The following NRXN1 variants were observed in gnomAD, a reference collection of about 807,000 sequenced individuals.
NRXN1 encodes neurexin-1.
In NRXN1, 39 loss-of-function variants were observed where a neutral mutation model predicts 150.9. The observed-to-expected ratio is 0.26, with a 90% CI of 0.20 to 0.34. NRXN1 has a LOEUF of 0.34. NRXN1 is among the 10% of genes least tolerant of loss of function. The pLI, the probability that NRXN1 is intolerant of heterozygous loss-of-function variation, is 1.00. For missense variants in NRXN1, 1,815 were observed against 1,949.9 expected (o/e 0.93, Z 1.30); for synonymous variants, 924 against 757.0 (o/e 1.22, Z -3.62).
chr2:49,973,742 G>T, intron 21 of NRXN1: 1 of 538,582 alleles, frequency 1.9e-6, no homozygotes, highest in Non-Finnish European at 3.3e-6. Context: ...AGGGTTTAAG[G>T]ACATTTTAAA....
intron 17 of NRXN1, among the ~76,000 whole-genome samples, chr2:50,380,261 G>A (rs552853317): frequency 6.6e-6 from 1 of 150,632 alleles, no homozygotes; most frequent in South Asian, 2.1e-4. Context: ...CCACATTGCT[G>A]AGAAATGACC....
chr2:50,587,427 G>A (rs1673344488), intron 8 of NRXN1, among the ~76,000 whole-genome samples: 1 of 152,256 alleles, frequency 6.6e-6, no homozygotes, highest in Non-Finnish European at 1.5e-5. Flanking sequence ...GGAGGTTGCA[G>A]TGAGCCATGT....
At chr2:50,229,985 G>C (rs2064785601) in intron 18 of NRXN1, among the ~76,000 whole-genome samples, 1 of 152,020 alleles carries the variant, frequency 6.6e-6, no homozygotes, top group African/African-American at 2.4e-5. Context: ...CTATAAAATA[G>C]CTTGGGGCCC....
At chr2:50,349,838 G>T (rs1041045252) in intron 17 of NRXN1, among the ~76,000 whole-genome samples, 1 of 152,122 alleles carries the variant, frequency 6.6e-6, no homozygotes, top group African/African-American at 2.4e-5. Context: ...AAGATACGTA[G>T]AACATTGCAT....
chr2:50,072,283 A>G (rs868459486), intron 19 of NRXN1, among the ~76,000 whole-genome samples: 3 of 152,226 alleles, frequency 2.0e-5, no homozygotes, highest in Non-Finnish European at 4.4e-5. Flanking sequence ...AGTTATGGAA[A>G]AAGTCTCAGT....
intron 2 of NRXN1, chr2:50,985,495 C>A (rs1386742069): frequency 6.6e-6 from 1 of 151,356 alleles, no homozygotes; most frequent in Non-Finnish European, 1.5e-5. Context: ...TCAAGCAATC[C>A]AACATCAAGT....
intron 8 of NRXN1, among the ~76,000 whole-genome samples, chr2:50,600,778 T>G (rs562389608): frequency 6.6e-6 from 1 of 152,308 alleles, no homozygotes; most frequent in East Asian, 1.9e-4. Flanking sequence ...TTTAGTTAGA[T>G]GATGACAGAC....
intron 5 of NRXN1, among the ~76,000 whole-genome samples, chr2:50,856,469 G>A (rs1675289160): frequency 6.6e-6 from 1 of 152,036 alleles, no homozygotes; most frequent in African/African-American, 2.4e-5. Context: ...TTCATTTAGT[G>A]TATTCTATCA....
At chr2:50,299,114 T>C (rs1383119365) in intron 17 of NRXN1, among the ~76,000 whole-genome samples, 1 of 152,122 alleles carries the variant, frequency 6.6e-6, no homozygotes, top group East Asian at 1.9e-4. Context: ...AGGAAATGGC[T>C]TATTTATGGA....
chr2:50,306,333 C>T (rs957741535), intron 17 of NRXN1, among the ~76,000 whole-genome samples: 1 of 152,110 alleles, frequency 6.6e-6, no homozygotes, highest in Non-Finnish European at 1.5e-5. Context: ...CTGATTAATT[C>T]ACAACGGCAG....
chr2:51,028,326 G>C lies in NRXN1; in HGVS notation c.-53C>G, dbSNP rs1670954384. The C allele has an allele frequency of 8.1e-7, 1 of 1,238,468 alleles. No individual in the cohort carries two copies. Among genetic ancestry groups the C allele is most frequent in the Non-Finnish European group, 1.1e-6 (1 of 933,376 alleles). The allele number at this position is 1,238,468 out of a possible 1,614,324, so 76.7% of individuals were successfully genotyped here. A position where few individuals can be genotyped will look rare whatever the true frequency, so the allele number is the denominator to read the frequency against. Reference sequence around the variant, plus strand: ...TGCCGGGGCCGACAGGGTCAAAATGGTCCTGGACACCGTGACGAAGAAATA... The same window carrying C: ...TGCCGGGGCCGACAGGGTCAAAATGCTCCTGGACACCGTGACGAAGAAATA... On this transcript the variant is annotated 5_prime_UTR_variant, in exon 2 of 23. Transcript: ENST00000401669.
At chr2:50,309,151 T>C (rs1368425832) in intron 17 of NRXN1, among the ~76,000 whole-genome samples, 1 of 152,196 alleles carries the variant, frequency 6.6e-6, no homozygotes, top group African/African-American at 2.4e-5. Flanking sequence ...ATTTGATGCA[T>C]TTCATTTTAC....
chr2:50,593,283 C>A (rs1021457943), intron 8 of NRXN1, among the ~76,000 whole-genome samples: 5 of 152,214 alleles, frequency 3.3e-5, no homozygotes, highest in African/African-American at 1.2e-4. Context: ...GTCAGCCCAG[C>A]TCCACCTCAG....
intron 18 of NRXN1, among the ~76,000 whole-genome samples, chr2:50,098,830 G>GTTTTTTTTTTTTTTTTTTTT (rs746736925): frequency 2.1e-4 from 22 of 105,550 alleles, no homozygotes; most frequent in East Asian, 6.1e-4. Context: ...TTTGGTTTTA[G>GTTTTTTTTTTTTTTTTTTTT]TTTTTTTTTT....
intron 17 of NRXN1, among the ~76,000 whole-genome samples, chr2:50,337,225 A>C (rs966718542): frequency 6.6e-6 from 1 of 151,826 alleles, no homozygotes; most frequent in Non-Finnish European, 1.5e-5. Context: ...AGCTGGGATT[A>C]CAGGCAAAGG....
At chr2:50,252,636 A>G (rs1272500356) in intron 17 of NRXN1, among the ~76,000 whole-genome samples, 1 of 152,050 alleles carries the variant, frequency 6.6e-6, no homozygotes, top group Non-Finnish European at 1.5e-5. Context: ...TTTTCTGTAT[A>G]TGGCTAGCCA....
chr2:50,683,414 C>T (rs1474291947), intron 5 of NRXN1, among the ~76,000 whole-genome samples: 5 of 150,136 alleles, frequency 3.3e-5, no homozygotes, highest in East Asian at 2.0e-4. Context: ...GGGCGGATCA[C>T]GAGGTCAGGA....
At chr2:50,460,766 C>T (rs958547341) in intron 17 of NRXN1, among the ~76,000 whole-genome samples, 2 of 151,902 alleles carry the variant, frequency 1.3e-5, no homozygotes, top group African/African-American at 2.4e-5. Context: ...GACCCTGTTT[C>T]CCCATAGTTT....
At chr2:50,414,739 T>G (rs879581864) in intron 17 of NRXN1, among the ~76,000 whole-genome samples, 1 of 151,758 alleles carries the variant, frequency 6.6e-6, no homozygotes, top group Admixed American at 6.6e-5. Flanking sequence ...AAAAGGAGAG[T>G]GTTTTGAGGT....
Sources: allele counts gnomAD v4.1 joint callset (sites outside exome capture counted in the v4.1 genomes callset), GRCh38; gene constraint gnomAD v4.1.1; transcripts MANE v1.5; gene names NCBI Gene and HGNC (gene_info 2026-07-23, HGNC 2026-07-21).